PCDHGA1: variants seen among roughly 807,000 people sequenced by gnomAD.
The protein encoded by PCDHGA1 is protocadherin gamma-A1.
Under a neutral mutation model 58.0 loss-of-function variants are expected in PCDHGA1, and 32 were observed. The observed-to-expected ratio is 0.55, with a 90% CI of 0.42 to 0.74. PCDHGA1 has a LOEUF of 0.74. Ranked by LOEUF, PCDHGA1 falls within the 30% of genes least tolerant of loss-of-function variation. PCDHGA1 has a pLI of 0.00. For synonymous variants in PCDHGA1, 498 were observed against 501.1 expected (o/e 0.99, Z 0.08); for missense variants, 1,205 against 1,182.3 (o/e 1.02, Z -0.28).
chr5:141,391,030 G>A (rs2092291091), intron 1 of PCDHGA1: 1 of 152,184 alleles, frequency 6.6e-6, no homozygotes, highest in Non-Finnish European at 1.5e-5. Flanking sequence ...AAAAGACAAT[G>A]TTTTGTGTCT....
At chr5:141,401,485 G>A (rs2094160307) in intron 1 of PCDHGA1, among the ~76,000 whole-genome samples, 2 of 152,152 alleles carry the variant, frequency 1.3e-5, no homozygotes, top group Admixed American at 6.5e-5. Context: ...AGGTTTTCTT[G>A]GATGCAAAAT....
chr5:141,431,032 C>T lies in PCDHGA1; in HGVS notation c.2422-63775C>T. 1 of 1,614,008 alleles carries T rather than the reference C, an allele frequency of 6.2e-7. No individual in the cohort carries two copies. The highest frequency in any genetic ancestry group is 2.2e-5 in the East Asian group (1 of 44,848). On this transcript the variant is annotated intron_variant, in intron 1 of 3. Transcript: ENST00000517417. This position sits in a 1 kb window ranked among gnomAD's most constrained non-coding sequence, Gnocchi z 4.8. ...GCTTGGTCACGGCGGGCAGGATAGA[C>T]CGGGAGGAGCTCTGTATGGGGGCCA...
intron 1 of PCDHGA1, chr5:141,350,360 A>G: frequency 6.4e-7 from 1 of 1,570,858 alleles, no homozygotes; most frequent in Non-Finnish European, 8.6e-7. Context: ...GATCCGATAC[A>G]CGATTCCAGA....
At chr5:141,397,960 A>C in intron 1 of PCDHGA1, 2 of 1,021,904 alleles carry the variant, frequency 2.0e-6, no homozygotes, top group East Asian at 2.6e-5. Context: ...GCCCCAGCTC[A>C]GACTCCCCAG....
At chr5:141,387,643 C>G in intron 1 of PCDHGA1, 1 of 625,670 alleles carries the variant, frequency 1.6e-6, no homozygotes, top group Non-Finnish European at 2.7e-6. Flanking sequence ...CGCTGTTGGC[C>G]AAAGTGGAGA....
At chr5:141,458,130 C>A (rs1441742986) in intron 1 of PCDHGA1, among the ~76,000 whole-genome samples, 2 of 152,248 alleles carry the variant, frequency 1.3e-5, no homozygotes, top group African/African-American at 4.8e-5. Flanking sequence ...AGGAACCAGG[C>A]AGAGAAAAAT....
intron 1 of PCDHGA1, chr5:141,440,348 C>G (rs2098169693): frequency 6.6e-6 from 1 of 152,190 alleles, no homozygotes; most frequent in South Asian, 2.1e-4. Flanking sequence ...GGCCTATAAT[C>G]CTAGCTACTC....
At chr5:141,361,044 A>C (rs757892379) in intron 1 of PCDHGA1, 6 of 1,613,540 alleles carry the variant, frequency 3.7e-6, no homozygotes, top group East Asian at 2.2e-5. Context: ...AAATCACGAC[A>C]AAGGATGATT....
At chr5:141,385,397 A>T (rs1023066700) in intron 1 of PCDHGA1, 2 of 1,492,858 alleles carry the variant, frequency 1.3e-6, no homozygotes, top group Non-Finnish European at 1.8e-6. Flanking sequence ...TGCAAAACAA[A>T]TGTTTTGAAA....
intron 1 of PCDHGA1, among the ~76,000 whole-genome samples, chr5:141,461,557 C>T (rs2154567400): frequency 6.6e-6 from 1 of 152,122 alleles, no homozygotes; most frequent in East Asian, 1.9e-4. Context: ...CAGATGTGTA[C>T]TTTGCAAAGA....
chr5:141,486,166 G>A lies in PCDHGA1; in HGVS notation c.2422-8641G>A. ...GCGATGGGGGTTCTCCAGCCATGGA[G>A]CAACATTGCAGCCTTCGAGTGGATC... On this transcript the variant is annotated intron_variant, in intron 1 of 3. Coordinates refer to ENST00000517417, the MANE Select transcript of PCDHGA1 (RefSeq NM_018912.3). The surrounding 1 kb of genome is among the most constrained non-coding windows in gnomAD (Gnocchi z 5.0). The A allele has an allele frequency of 2.5e-6, 4 of 1,614,224 alleles. No individual in the cohort carries two copies. The highest frequency in any genetic ancestry group is 3.4e-6 in the Non-Finnish European group (4 of 1,180,040).
Position 141,444,232 on chromosome 5 carries a change from C to T in PCDHGA1, c.2422-50575C>T, listed in dbSNP as rs1411172798. Among the ~76,000 whole-genome samples the T allele has an allele frequency of 2.5e-5, 3 of 122,350 alleles. No individual in the cohort carries two copies. In the Admixed American group the frequency reaches 3.3e-4, roughly 14 times the overall value. The allele number at this position is 122,350 out of a possible 152,430, so 80.3% of individuals were successfully genotyped here. ...TGTTGCCCAGGCTGGAGTGCAATGG[C>T]ATGCTCTCGGCTCACTGCAACCTCC... is the stretch of plus-strand genomic sequence containing the variant. On this transcript the variant is annotated intron_variant, in intron 1 of 3. Coordinates refer to ENST00000517417, the MANE Select transcript of PCDHGA1 (RefSeq NM_018912.3).
rs766428179 is a variant in PCDHGA1, at chr5:141,395,052, C to T, written c.2421+61947C>T. 25 of 1,614,148 alleles carry T rather than the reference C, an allele frequency of 1.5e-5. No homozygotes were observed. In the African/African-American group the frequency reaches 3.2e-4, roughly 21 times the overall value. On this transcript the variant is annotated intron_variant, in intron 1 of 3. Coordinates refer to ENST00000517417, the MANE Select transcript of PCDHGA1 (RefSeq NM_018912.3). Reference sequence around the variant, plus strand: ...ACATTTTGTGGGTGTTGAGGAGGTACAGGCTTTCCTGCAGACCTATTCCCA... The same window carrying T: ...ACATTTTGTGGGTGTTGAGGAGGTATAGGCTTTCCTGCAGACCTATTCCCA...
intron 1 of PCDHGA1, among the ~76,000 whole-genome samples, chr5:141,481,692 G>A (rs1231630072): frequency 3.3e-5 from 5 of 152,020 alleles, no homozygotes; most frequent in East Asian, 1.9e-4. Context: ...GGTGGCTCAC[G>A]CCTGTAATCC....
At chr5:141,504,500 GAGTGGATCT>G (rs2099838791) in intron 2 of PCDHGA1, among the ~76,000 whole-genome samples, 1 of 152,072 alleles carries the variant, frequency 6.6e-6, no homozygotes, top group Non-Finnish European at 1.5e-5. Context: ...TGCCCAGTCT[GAGTGGATCT>G]CCTCTGATAT....
intron 1 of PCDHGA1, chr5:141,419,105 C>G: frequency 6.2e-7 from 1 of 1,613,918 alleles, no homozygotes; most frequent in Non-Finnish European, 8.5e-7. Context: ...GGAGCAGACC[C>G]CAGAGTACAA....
intron 1 of PCDHGA1, chr5:141,388,782 A>C (rs1589071559): frequency 6.2e-7 from 1 of 1,613,784 alleles, no homozygotes; most frequent in South Asian, 1.1e-5. Flanking sequence ...CGGGGAAATT[A>C]CTGTTTTAAA....
chr5:141,494,306 T>G (rs1432951954), intron 1 of PCDHGA1, among the ~76,000 whole-genome samples: 1 of 152,212 alleles, frequency 6.6e-6, no homozygotes, highest in Non-Finnish European at 1.5e-5. Flanking sequence ...AATGTGTCAC[T>G]GCACAACCTG....
chr5:141,366,189 G>C, intron 1 of PCDHGA1: 1 of 1,613,922 alleles, frequency 6.2e-7, no homozygotes, highest in Non-Finnish European at 8.5e-7. Context: ...TTTGCGGTTG[G>C]GCTGCACACG....
Sources: gnomAD v4.1 joint callset for allele counts (sites outside exome capture counted in the v4.1 genomes callset) on GRCh38, gnomAD v4.1.1 for gene constraint, Gnocchi (gnomAD v3.1) non-coding constraint, MANE v1.5 for transcripts, NCBI Gene and HGNC (gene_info 2026-07-23, HGNC 2026-07-21) for gene names.